Variants in MTOR observed in about 807,000 individuals in gnomAD.
MTOR encodes the protein mechanistic target of rapamycin kinase, also known as serine/threonine-protein kinase mTOR.
MTOR carries 70 observed loss-of-function variants against 319.8 expected under a neutral mutation model. That is an observed-to-expected ratio of 0.22 (90% CI 0.18 to 0.27). The LOEUF (loss-of-function observed/expected upper bound fraction) is 0.27. MTOR is among the 10% of genes least tolerant of loss of function. The pLI, the probability that MTOR is intolerant of heterozygous loss-of-function variation, is 1.00. For missense variants in MTOR, 1,890 were observed against 3,274.4 expected, an observed-to-expected ratio of 0.58 and a Z score of 10.32; for synonymous variants, 1,183 against 1,211.4, an observed-to-expected ratio of 0.98 and a Z score of 0.49.
chr1:11,209,123 C>G (rs1460484490), intron 25 of MTOR, among the ~76,000 whole-genome samples, 189 bp downstream of exon 25: 1 of 152,176 alleles, frequency 6.6e-6, no homozygotes, highest in Non-Finnish European at 1.5e-5. Context: ...TCTACTTTTT[C>G]TCTATTCAAA....
At chr1:11,261,142 T>C (rs1376570782) in intron 1 of MTOR, among the ~76,000 whole-genome samples, 3 of 151,968 alleles carry the variant, frequency 2.0e-5, no homozygotes, top group Non-Finnish European at 4.4e-5. Flanking sequence ...CTGGTGGTTC[T>C]TGTACTGAAC....
chr1:11,196,122 G>C (rs1201829925), intron 28 of MTOR: 2 of 152,260 alleles, frequency 1.3e-5, no homozygotes, highest in Non-Finnish European at 2.9e-5. Context: ...AGCCAAAAGG[G>C]AACAGGTAAG....
intron 16 of MTOR, 27 bp downstream of exon 16, chr1:11,232,409 G>T: frequency 6.4e-7 from 1 of 1,572,814 alleles, no homozygotes; most frequent in Non-Finnish European, 8.8e-7. Flanking sequence ...GGTCTGTCTT[G>T]CTCAATCAGG....
intron 38 of MTOR, 190 bp from the exon 39 acceptor site, chr1:11,130,967 C>T (rs1643119471): frequency 1.7e-5 from 12 of 702,330 alleles, no homozygotes; most frequent in Non-Finnish European, 2.3e-5. Flanking sequence ...CTTTGTGGAG[C>T]ACTAACTATA....
intron 19 of MTOR, among the ~76,000 whole-genome samples, chr1:11,217,026 C>T (rs1266156012): frequency 6.6e-6 from 1 of 152,200 alleles, no homozygotes; most frequent in African/African-American, 2.4e-5. Flanking sequence ...TTAATTACCA[C>T]TTCCTTCCTA....
intron 29 of MTOR, among the ~76,000 whole-genome samples, chr1:11,163,702 G>A (rs1175057342): frequency 2.6e-5 from 4 of 152,212 alleles, no homozygotes; most frequent in African/African-American, 7.2e-5. Flanking sequence ...ATAATGAAAT[G>A]AAGGCAGAAA....
intron 25 of MTOR, among the ~76,000 whole-genome samples, chr1:11,205,169 T>C (rs1412508236): frequency 6.6e-6 from 1 of 152,198 alleles, no homozygotes; most frequent in African/African-American, 2.4e-5. Context: ...CATGGCACTG[T>C]GGTAAAACAA....
rs79432739 is a variant in MTOR, at chr1:11,223,169, C to CT, written c.3030+5498dup. ...CCTGGTTTCTTCTACAAATACATGACTTTTTTTTTTTTTTTAAGTAGAGGG... is the reference window on the plus strand; with the variant it reads ...CCTGGTTTCTTCTACAAATACATGACTTTTTTTTTTTTTTTTAAGTAGAGGG... On this transcript the variant is annotated intron_variant, in intron 19 of 57. Coordinates refer to ENST00000361445, the MANE Select transcript of MTOR (RefSeq NM_004958.4). Among the ~76,000 whole-genome samples the CT allele has an allele frequency of 8.3e-3, 1,157 of 139,066 alleles. 9 individuals are homozygous for CT. Among genetic ancestry groups the CT allele is most frequent in the South Asian group, 0.021 (93 of 4,346 alleles). 91.2% of individuals were successfully genotyped at this position (139,066 alleles called of 152,430 possible).
intron 28 of MTOR, among the ~76,000 whole-genome samples, chr1:11,198,636 T>G (rs1297858191): frequency 6.6e-6 from 1 of 152,224 alleles, no homozygotes; most frequent in African/African-American, 2.4e-5. Flanking sequence ...AATGGTTTTT[T>G]AGGAGCTGGA....
chr1:11,237,912 G>A lies in MTOR; in HGVS notation c.2139C>T (p.Cys713=). ...QVFEIRELAI[C]TVGRLSSMNP... ...TCATGCTACTGAGTCGGCCCACAGT[G>A]CAGATGGCCAGCTCCCGGATCTCAA... Residue 713 remains cysteine, a synonymous_variant, in exon 13 of 58, where the codon TGC becomes TGT. Coordinates refer to ENST00000361445, the MANE Select transcript of MTOR (RefSeq NM_004958.4). 6.2e-7 allele frequency: 1 copy of A among 1,614,166 alleles called. No individual in the cohort carries two copies. Among genetic ancestry groups the A allele is most frequent in the Non-Finnish European group, 8.5e-7 (1 of 1,180,034 alleles).
intron 10 of MTOR, 61 bp downstream of exon 10, chr1:11,241,492 C>T: frequency 6.5e-7 from 1 of 1,549,570 alleles, no homozygotes; most frequent in Non-Finnish European, 8.7e-7. Flanking sequence ...TTTTAACAGT[C>T]CCAACACTGG....
At chr1:11,172,816 C>T (rs562193182) in intron 28 of MTOR, among the ~76,000 whole-genome samples, 3 of 148,446 alleles carry the variant, frequency 2.0e-5, no homozygotes, top group African/African-American at 2.5e-5. Flanking sequence ...TTGCTGAGAT[C>T]GCACCACTGC....
rs756009947 is a variant in MTOR at position 11,243,248 on chromosome 1, C to T, written c.1278G>A (p.Lys426=). 86 of 1,614,074 alleles carry T rather than the reference C, an allele frequency of 5.3e-5. No homozygotes were observed. Among genetic ancestry groups the T allele is most frequent in the Non-Finnish European group, 6.9e-5 (82 of 1,180,052 alleles). The change falls in exon 9 of 58, where the codon AAG becomes AAA. Residue 426 remains lysine (K), a synonymous_variant. Transcript: ENST00000361445. Reference sequence around the variant, plus strand: ...GGAAGGCCGCTGTACGTTCCTTCTCCTTCTTGACACAGCTTAGGACATGGT... The same window carrying T: ...GGAAGGCCGCTGTACGTTCCTTCTCTTTCTTGACACAGCTTAGGACATGGT... The part of the protein sequence containing the change: ...TMNHVLSCVK[K]EKERTAAFQA...
rs1570926042 is a variant in MTOR, at chr1:11,121,238, T to A, written c.6933+8A>T. ...GAGAGCGCAGGTCTGCAGGGCCCAG[T>A]GGCCTACCTCGGAGCTGGGGCTTTT... is the stretch of plus-strand genomic sequence containing the variant. On this transcript the variant is annotated splice_region_variant and intron_variant, in intron 49 of 57. Transcript: ENST00000361445. This position sits in a 1 kb window ranked among gnomAD's most constrained non-coding sequence, Gnocchi z 4.9. 6.2e-7 allele frequency: 1 copy of A among 1,612,876 alleles called. No individual in the cohort carries two copies.
Position 11,232,498 on chromosome 1 carries a change from C to A in MTOR, c.2452G>T (p.Asp818Tyr), listed in dbSNP as rs1194113683. Residue 818 changes from aspartate (D) to tyrosine (Y), a missense_variant, in exon 16 of 58, where the codon GAT becomes TAT. Physicochemically the swap from Asp to Tyr is radical, Grantham distance 160 (BLOSUM62 -3). Around this residue, in one of 15 missense-constraint regions of MTOR, gnomAD observed 377 missense variants for 653.9 expected, o/e 0.58. Transcript: ENST00000361445. The part of the protein sequence containing the change: ...VSGLEMRKWV[D>Y]ELFIIIMDML... ...TCCATGATGATAATAAAAAGTTCAT[C>A]AACCCATTTCCTCATTTCCAGGCCA... 1.2e-6 allele frequency: 2 copies of A among 1,613,968 alleles called. No individual in the cohort carries two copies. The highest frequency in any genetic ancestry group is 1.7e-6 in the Non-Finnish European group (2 of 1,179,848).
At chr1:11,131,225 A>G (rs967893595) in intron 38 of MTOR, 14 of 190,356 alleles carry the variant, frequency 7.4e-5, no homozygotes, top group Non-Finnish European at 1.3e-4. Context: ...AGCGGTGGGG[A>G]CTACTTGGCA....
At position 11,109,230 on chromosome 1, in the gene MTOR, C is replaced by A; in HGVS notation, c.7528+60G>T. 2.0e-6 allele frequency: 3 copies of A among 1,509,130 alleles called. No individual in the cohort carries two copies. The highest frequency in any genetic ancestry group is 9.2e-7 in the Non-Finnish European group (1 of 1,092,800). 93.5% of individuals were successfully genotyped at this position (1,509,130 alleles called of 1,614,324 possible). A position where few individuals can be genotyped will look rare whatever the true frequency, so the allele number is the denominator to read the frequency against. ...ACTGGACATGGGGCTGACCACCACT[C>A]AGAGAGGAAAGTGTGCTCAGATTTT... On this transcript the variant is annotated intron_variant, in intron 56 of 57. Coordinates refer to ENST00000361445, the MANE Select transcript of MTOR (RefSeq NM_004958.4). The surrounding 1 kb of genome is among the most constrained non-coding windows in gnomAD (Gnocchi z 4.0).
chr1:11,232,948 A>C, intron 15 of MTOR: 1 of 762,088 alleles, frequency 1.3e-6, no homozygotes, highest in Admixed American at 1.7e-5. Flanking sequence ...TGTGTGCCTG[A>C]CTCTGATTCT....
chr1:11,158,966 A>G (rs1241985738), intron 29 of MTOR, among the ~76,000 whole-genome samples: 3 of 152,246 alleles, frequency 2.0e-5, no homozygotes, highest in Admixed American at 1.3e-4. Context: ...GTCAAGCTTA[A>G]TATGATTCAG....
Sources: gnomAD v4.1 joint callset for allele counts (sites outside exome capture counted in the v4.1 genomes callset) on GRCh38, gnomAD v4.1.1 for gene constraint, gnomAD v4.1.1 regional missense constraint, Gnocchi (gnomAD v3.1) non-coding constraint, MANE v1.5 for transcripts, NCBI Gene and HGNC (gene_info 2026-07-23, HGNC 2026-07-21) for gene names.